MACF1: variants seen among roughly 807,000 people sequenced by gnomAD.
MACF1 encodes the protein microtubule-actin cross-linking factor 1.
A neutral mutation model predicts 854.8 loss-of-function variants in MACF1; 193 were observed. The ratio of observed to expected loss-of-function variants is 0.23; its 90% CI spans 0.20 to 0.25. The LOEUF (loss-of-function observed/expected upper bound fraction) is 0.25. Ranked by LOEUF, MACF1 falls within the 10% of genes least tolerant of loss-of-function variation. The pLI is 1.00. For synonymous variants in MACF1, 3,185 were observed against 3,226.7 expected (o/e 0.99, Z 0.44); for missense variants, 7,722 against 8,929.1 (o/e 0.86, Z 5.45).
At chr1:39,207,187 A>G (rs955815770) in intron 1 of MACF1, among the ~76,000 whole-genome samples, 23 of 152,088 alleles carry the variant, frequency 1.5e-4, no homozygotes, top group African/African-American at 4.3e-4. Context: ...TATGTGTACC[A>G]GAAGTTTCTG....
intron 44 of MACF1, among the ~76,000 whole-genome samples, chr1:39,356,887 C>T (rs1487131399): frequency 6.6e-6 from 1 of 152,166 alleles, no homozygotes; most frequent in Non-Finnish European, 1.5e-5. Flanking sequence ...TGTCTACCTA[C>T]ATTATAGGTC....
chr1:39,107,663 T>C (rs894511017), intron 2 of MACF1, among the ~76,000 whole-genome samples: 3 of 152,154 alleles, frequency 2.0e-5, no homozygotes, highest in African/African-American at 7.2e-5. Context: ...GAGAACAGTT[T>C]GTCTAAGCAG....
In MACF1 at chr1:39,477,077, A is replaced by ATACACACACATATATACACTTAGTGTG. The variant is rs1557675035; in HGVS notation, c.21959-2719_21959-2718insCACACACATATATACACTTAGTGTGTA. Among the ~76,000 whole-genome samples the ATACACACACATATATACACTTAGTGTG allele has an allele frequency of 2.6e-4, 5 of 19,226 alleles. 1 individual carries two copies. The highest frequency in any genetic ancestry group is 9.2e-4 in the African/African-American group (5 of 5,434). The allele number at this position is 19,226 out of a possible 152,430, so 12.6% of individuals were successfully genotyped here. On this transcript the variant is annotated intron_variant, in intron 97 of 100. Transcript: ENST00000564288. ...TATATATATATATATATATATATAT[A>ATACACACACATATATACACTTAGTGTG]TATATATATATATACACACACACAC...
chr1:39,312,522 C>G (rs2148438605), intron 26 of MACF1, among the ~76,000 whole-genome samples: 1 of 152,184 alleles, frequency 6.6e-6, no homozygotes, highest in Admixed American at 6.5e-5. Context: ...TGATAAACAT[C>G]AGGAAATTAA....
At chr1:39,446,235 G>A (rs1004688183) in intron 80 of MACF1, among the ~76,000 whole-genome samples, 2 of 151,342 alleles carry the variant, frequency 1.3e-5, no homozygotes, top group African/African-American at 2.4e-5. Context: ...GCTGTAGTAA[G>A]AAAATATAAA....
At chr1:39,169,915 A>G (rs1056263152) in intron 2 of MACF1, among the ~76,000 whole-genome samples, 10 of 151,226 alleles carry the variant, frequency 6.6e-5, no homozygotes, top group Non-Finnish European at 1.3e-4. Flanking sequence ...CTGGGACTAC[A>G]GGCACCTGCC....
chr1:39,152,897 C>G (rs1390663625), intron 2 of MACF1, among the ~76,000 whole-genome samples: 1 of 150,998 alleles, frequency 6.6e-6, no homozygotes, highest in Non-Finnish European at 1.5e-5. Flanking sequence ...TTTCTAGAGA[C>G]TTGTTTGATT....
intron 14 of MACF1, among the ~76,000 whole-genome samples, chr1:39,286,058 G>C (rs778672233): frequency 8.5e-5 from 13 of 152,180 alleles, no homozygotes; most frequent in Non-Finnish European, 1.8e-4. Context: ...TCGTTGCCCA[G>C]GCTGGAGTGC....
chr1:39,321,637 C>T (rs1481485769), intron 31 of MACF1, among the ~76,000 whole-genome samples: 1 of 152,176 alleles, frequency 6.6e-6, no homozygotes, highest in African/African-American at 2.4e-5. Flanking sequence ...TGGGGCCAAC[C>T]CATGACAGGC....
chr1:39,123,712 G>GTTTTTT (rs1206815949), intron 2 of MACF1, among the ~76,000 whole-genome samples: 1 of 77,484 alleles, frequency 1.3e-5, no homozygotes, highest in Non-Finnish European at 2.5e-5. Context: ...GCTAATTCTT[G>GTTTTTT]TTTTGTTTTT....
intron 49 of MACF1, among the ~76,000 whole-genome samples, chr1:39,364,703 A>C (rs1648530550): frequency 1.3e-5 from 2 of 151,860 alleles, no homozygotes; most frequent in Admixed American, 1.3e-4. Context: ...CGTGTTAGCC[A>C]GGATGGTCTC....
rs540563915 is a variant in MACF1 at position 39,197,083 on chromosome 1, T to C, written c.221-34099T>C. Among the ~76,000 whole-genome samples the C allele has an allele frequency of 1.1e-4, 16 of 152,282 alleles. No individual in the cohort carries two copies. The East Asian group carries it at 2.7e-3, about 26-fold the overall frequency. On this transcript the variant is annotated intron_variant, in intron 2 of 93. Coordinates refer to the MACF1 transcript ENST00000361689. ...ATAAATGATCTCTTAAAAAGAAAAC[T>C]AGTCACTCCCTCCTGCCAGCCTCTA...
In MACF1 at chr1:39,284,166, A is replaced by G; in HGVS notation, c.1016A>G (p.Gln339Arg). ...TILMSDKTFP[Q>R]NPVELKALYN... ...CTGATGTCAGATAAAACTTTTCCCCAAAACCCTGTTGAACTAAAGGTAAAG... is the reference window on the plus strand; with the variant it reads ...CTGATGTCAGATAAAACTTTTCCCCGAAACCCTGTTGAACTAAAGGTAAAG... Residue 339 changes from glutamine (Q) to arginine (R), a missense_variant, in exon 10 of 101, where the codon CAA becomes CGA. Around this residue, in one of 15 missense-constraint regions of MACF1, gnomAD observed 97 missense variants for 130.4 expected, o/e 0.74. Transcript: ENST00000564288. 6.2e-7 allele frequency: 1 copy of G among 1,613,446 alleles called. No individual in the cohort carries two copies. Among genetic ancestry groups the G allele is most frequent in the Non-Finnish European group, 8.5e-7 (1 of 1,179,784 alleles).
chr1:39,420,392 C>T (rs942570950), intron 58 of MACF1, among the ~76,000 whole-genome samples: 1 of 152,154 alleles, frequency 6.6e-6, no homozygotes, highest in African/African-American at 2.4e-5. Context: ...GATTTTTCTT[C>T]AGCAGAAACA....
intron 99 of MACF1, among the ~76,000 whole-genome samples, chr1:39,483,933 C>A (rs536839182): frequency 1.7e-3 from 264 of 152,266 alleles, no homozygotes; most frequent in Non-Finnish European, 2.7e-3. Context: ...GGGCAGATCA[C>A]AAGGTCAGGA....
intron 3 of MACF1, 104 bp downstream of exon 3, chr1:39,250,207 T>C: frequency 1.5e-6 from 1 of 650,828 alleles, no homozygotes; most frequent in Non-Finnish European, 2.7e-6. Flanking sequence ...TTTCATCTAT[T>C]AGAGGGGAGG....
chr1:39,469,983 C>T (rs1338904211), intron 97 of MACF1, among the ~76,000 whole-genome samples: 1 of 152,108 alleles, frequency 6.6e-6, no homozygotes, highest in East Asian at 1.9e-4. Context: ...CAAAGACAAA[C>T]AACTAGTAAA....
At chr1:39,382,842 C>T (rs1213495462) in intron 56 of MACF1, among the ~76,000 whole-genome samples, 1 of 151,322 alleles carries the variant, frequency 6.6e-6, no homozygotes, top group African/African-American at 2.4e-5. Context: ...TTGGTCAGGC[C>T]GGGTGCAGTG....
intron 31 of MACF1, among the ~76,000 whole-genome samples, chr1:39,321,937 A>T (rs1052273583): frequency 2.0e-5 from 3 of 152,224 alleles, no homozygotes; most frequent in Non-Finnish European, 4.4e-5. Flanking sequence ...AATTGAGATT[A>T]GACTAGAAGC....
Sources: gnomAD v4.1 joint callset for allele counts (sites outside exome capture counted in the v4.1 genomes callset) on GRCh38, gnomAD v4.1.1 for gene constraint, gnomAD v4.1.1 regional missense constraint, MANE v1.5 for transcripts, NCBI Gene and HGNC (gene_info 2026-07-23, HGNC 2026-07-21) for gene names.